FBXO31: variants seen among roughly 807,000 people sequenced by gnomAD.
FBXO31 encodes the protein F-box protein 31.
In FBXO31, 24 loss-of-function variants were observed where a neutral mutation model predicts 54.4. The ratio of observed to expected loss-of-function variants is 0.44; its 90% CI spans 0.32 to 0.62. The LOEUF (loss-of-function observed/expected upper bound fraction) is 0.62. Ranked by LOEUF, FBXO31 falls within the 20% of genes least tolerant of loss-of-function variation. The pLI is 0.05. For synonymous variants in FBXO31, 388 were observed against 335.6 expected (o/e 1.16, Z -1.71); for missense variants, 665 against 787.1 (o/e 0.84, Z 1.86).
chr16:87,373,981 C>T (rs941306751), intron 1 of FBXO31, among the ~76,000 whole-genome samples: 2 of 152,128 alleles, frequency 1.3e-5, no homozygotes, highest in Non-Finnish European at 1.5e-5. Context: ...TGGTGGTTCA[C>T]ACCTGTAATG....
upstream of FBXO31, among the ~76,000 whole-genome samples, chr16:87,388,247 C>G (rs893809933): frequency 2.0e-5 from 3 of 152,250 alleles, no homozygotes; most frequent in African/African-American, 7.2e-5. Flanking sequence ...GAGGAAGACA[C>G]TGAACATACA....
intron 5 of FBXO31, among the ~76,000 whole-genome samples, chr16:87,342,400 G>A (rs756290604): frequency 5.9e-5 from 9 of 152,172 alleles, no homozygotes; most frequent in Non-Finnish European, 1.2e-4. Context: ...ATCCTTGAAA[G>A]CTAAAACTCA....
chr16:87,388,555 T>G (rs1050509535), upstream of FBXO31: 4 of 152,212 alleles, frequency 2.6e-5, no homozygotes, highest in East Asian at 5.8e-4. Flanking sequence ...GAGCAAATTC[T>G]CCGCGTGACT....
In FBXO31 at chr16:87,328,865, G is replaced by A. The variant is rs774434549; in HGVS notation, c.*2423C>T. ...TAATGCGCTTGGCTGTCCTGAACTG[G>A]GTTACTCAGCCTCCTCCTTGGAAAC... On this transcript the variant is annotated 3_prime_UTR_variant, in exon 9 of 9. Transcript: ENST00000311635. 3 of 152,252 alleles carry A rather than the reference G, an allele frequency of 2.0e-5. No homozygotes were observed. The highest frequency in any genetic ancestry group is 6.5e-5 in the Admixed American group (1 of 15,288). The allele number at this position is 152,252 out of a possible 1,614,324, so 9.4% of individuals were successfully genotyped here. A position where few individuals can be genotyped will look rare whatever the true frequency, so the allele number is the denominator to read the frequency against.
At position 87,335,265 on chromosome 16, in the gene FBXO31, GCC is replaced by G. The variant is rs963556203; in HGVS notation, c.996+37_996+38del. 3 of 1,608,804 alleles carry G rather than the reference GCC, an allele frequency of 1.9e-6. No individual in the cohort carries two copies. The highest frequency in any genetic ancestry group is 2.5e-6 in the Non-Finnish European group (3 of 1,179,796). On this transcript the variant is annotated intron_variant, in intron 7 of 8. Coordinates refer to ENST00000311635, the MANE Select transcript of FBXO31 (RefSeq NM_024735.5). This position sits in a 1 kb window ranked among gnomAD's most constrained non-coding sequence, Gnocchi z 5.7. ...ACTCCACAGCCCACTTGGGCCAGGTGCCCCCAGAGCCCCACCAACCAGGTCAG... is the reference window on the plus strand; with the variant it reads ...ACTCCACAGCCCACTTGGGCCAGGTGCCCAGAGCCCCACCAACCAGGTCAG...
At chr16:87,382,775 G>A (rs531903006) in intron 1 of FBXO31, among the ~76,000 whole-genome samples, 1 of 152,196 alleles carries the variant, frequency 6.6e-6, no homozygotes, top group African/African-American at 2.4e-5. Flanking sequence ...TGGGATTACA[G>A]GCGCCCGCTA....
At chr16:87,333,121 T>C (rs1246983616) in intron 8 of FBXO31, among the ~76,000 whole-genome samples, 1 of 152,072 alleles carries the variant, frequency 6.6e-6, no homozygotes, top group Non-Finnish European at 1.5e-5. Flanking sequence ...TGTTCATCTA[T>C]GAGGAGCAGC....
chr16:87,328,320 C>T lies in FBXO31; in HGVS notation c.*2968G>A, dbSNP rs1345772791. The T allele has an allele frequency of 1.3e-5, 2 of 152,554 alleles. No homozygotes were observed. The highest frequency in any genetic ancestry group is 4.8e-5 in the African/African-American group (2 of 41,470). 9.5% of individuals were successfully genotyped at this position (152,554 alleles called of 1,614,324 possible). A position where few individuals can be genotyped will look rare whatever the true frequency, so the allele number is the denominator to read the frequency against. ...GCTAGAGGAAGGACATGGCCACCCA[C>T]CCCTCCCTCCTCGTGTGCCAGGTGG... On this transcript the variant is annotated 3_prime_UTR_variant, in exon 9 of 9. Transcript: ENST00000311635.
At chr16:87,371,816 AG>A (rs1906614620) in intron 1 of FBXO31, among the ~76,000 whole-genome samples, 3 of 152,246 alleles carry the variant, frequency 2.0e-5, no homozygotes, top group Admixed American at 6.5e-5. Context: ...GGCAAGTCTC[AG>A]GGAGTGTCCC....
chr16:87,352,305 C>G (rs1298042386), intron 2 of FBXO31, among the ~76,000 whole-genome samples: 4 of 152,022 alleles, frequency 2.6e-5, no homozygotes, highest in African/African-American at 9.7e-5. Context: ...TTTTCAGTAC[C>G]AAAAATTAAA....
Position 87,383,479 on chromosome 16 carries a change from C to T in FBXO31, c.266G>A (p.Ser89Asn), listed in dbSNP as rs1266013286. 1.9e-6 allele frequency: 3 copies of T among 1,590,916 alleles called. No individual in the cohort carries two copies. Among genetic ancestry groups the T allele is most frequent in the Non-Finnish European group, 2.6e-6 (3 of 1,172,062 alleles). ...GAACTTCGTGCAGACCTGGGCCAAG[C>T]TGGGTAGGTCCGTGCCCGGCAGCGA... ...FASLPGTDLPSLAQVCTKFRR... is the reference protein window; with the variant it reads ...FASLPGTDLPNLAQVCTKFRR... Residue 89 changes from serine (S) to asparagine (N), a missense_variant, in exon 1 of 9, where the codon AGC (serine) becomes AAC (asparagine). Ser to Asn is a conservative substitution (Grantham distance 46). This residue lies in a region of FBXO31 where 195 missense variants were observed against 174.8 expected (regional missense o/e 1.12). Transcript: ENST00000311635. The surrounding 1 kb of genome is among the most constrained non-coding windows in gnomAD (Gnocchi z 4.9).
At chr16:87,369,541 T>G (rs1906508402) in intron 1 of FBXO31, among the ~76,000 whole-genome samples, 1 of 152,242 alleles carries the variant, frequency 6.6e-6, no homozygotes. Flanking sequence ...TATTCCAGCC[T>G]GCAGGGACCA....
At chr16:87,384,336 C>T (rs1028291854), upstream of FBXO31, 1 of 152,246 alleles carries the variant, frequency 6.6e-6, no homozygotes, top group Non-Finnish European at 1.5e-5. Flanking sequence ...AAGGCCCGAG[C>T]TGCGGAGCTC....
intron 2 of FBXO31, among the ~76,000 whole-genome samples, chr16:87,349,831 C>T (rs920308769): frequency 6.6e-6 from 1 of 150,524 alleles, no homozygotes; most frequent in East Asian, 1.9e-4. Context: ...ACCACTTGAG[C>T]CCGGGAGGCG....
chr16:87,353,359 G>C (rs949152715), intron 2 of FBXO31, among the ~76,000 whole-genome samples: 9 of 152,250 alleles, frequency 5.9e-5, no homozygotes, highest in Non-Finnish European at 2.9e-5. Flanking sequence ...TACTGTGGAG[G>C]CTGGGCTGAG....
At chr16:87,332,775 C>T (rs558428841) in intron 8 of FBXO31, among the ~76,000 whole-genome samples, 58 of 152,094 alleles carry the variant, frequency 3.8e-4, no homozygotes, top group Middle Eastern at 6.8e-3. Flanking sequence ...CCCTTCCCTC[C>T]GTGACAGGAA....
intron 7 of FBXO31, 137 bp from the exon 8 acceptor site, chr16:87,334,423 G>T: frequency 1.3e-6 from 1 of 752,130 alleles, no homozygotes; most frequent in Non-Finnish European, 2.1e-6. Flanking sequence ...GTCCCTTACA[G>T]AAGAAGAAGT....
chr16:87,365,971 G>A (rs898257418), intron 1 of FBXO31, among the ~76,000 whole-genome samples: 7 of 152,286 alleles, frequency 4.6e-5, no homozygotes, highest in African/African-American at 7.2e-5. Context: ...GGAGGTTGCC[G>A]TGAGCCAAGA....
At chr16:87,364,990 G>C (rs1906290996) in intron 1 of FBXO31, among the ~76,000 whole-genome samples, 2 of 80,928 alleles carry the variant, frequency 2.5e-5, no homozygotes, top group East Asian at 4.1e-4. Flanking sequence ...CTGAGTGACA[G>C]AGCGAGACCC....
Sources: allele counts gnomAD v4.1 joint callset (sites outside exome capture counted in the v4.1 genomes callset), GRCh38; gene constraint gnomAD v4.1.1; regional missense constraint gnomAD v4.1.1; non-coding constraint Gnocchi (gnomAD v3.1); transcripts MANE v1.5; gene names NCBI Gene and HGNC (gene_info 2026-07-23, HGNC 2026-07-21).